MTOR: variants seen among roughly 807,000 people sequenced by gnomAD.
The protein encoded by MTOR is serine/threonine-protein kinase mTOR.
In MTOR, 70 loss-of-function variants were observed where a neutral mutation model predicts 319.8. The ratio of observed to expected loss-of-function variants is 0.22; its 90% CI spans 0.18 to 0.27. The LOEUF is 0.27. Among genes scored for constraint, MTOR ranks in the 10% least tolerant of loss-of-function variants. The probability of loss-of-function intolerance (pLI) is 1.00; values close to 1 mark genes in which losing one functional copy is unlikely to be tolerated. For synonymous variants in MTOR, 1,183 were observed against 1,211.4 expected, an observed-to-expected ratio of 0.98 and a Z score of 0.49; for missense variants, 1,890 against 3,274.4, an observed-to-expected ratio of 0.58 and a Z score of 10.32.
chr1:11,184,460 G>A (rs1214564208), intron 28 of MTOR, among the ~76,000 whole-genome samples: 1 of 152,186 alleles, frequency 6.6e-6, no homozygotes, highest in Non-Finnish European at 1.5e-5. Context: ...TGGGCTGTGT[G>A]TGGTGGCTCA....
At chr1:11,217,482 T>C (rs1451762691) in intron 19 of MTOR, among the ~76,000 whole-genome samples, 1 of 149,734 alleles carries the variant, frequency 6.7e-6, no homozygotes, top group Non-Finnish European at 1.5e-5. Context: ...AGCTCCCGGG[T>C]TCAAGCCTCC....
intron 1 of MTOR, among the ~76,000 whole-genome samples, chr1:11,261,704 C>A (rs1422846559): frequency 6.6e-6 from 1 of 151,962 alleles, no homozygotes; most frequent in East Asian, 1.9e-4. Flanking sequence ...AAGAAGACTG[C>A]AGAAAGAAAT....
At chr1:11,157,068 T>C (rs1236332137) in intron 30 of MTOR, 84 bp downstream of exon 30, 1 of 1,472,444 alleles carries the variant, frequency 6.8e-7, no homozygotes, top group Non-Finnish European at 9.1e-7. Context: ...GAACTCCGTG[T>C]GGGGGAAGCC....
At chr1:11,110,308 C>T (rs1641793419) in intron 54 of MTOR, among the ~76,000 whole-genome samples, 1 of 152,156 alleles carries the variant, frequency 6.6e-6, no homozygotes, top group Admixed American at 6.5e-5. Flanking sequence ...CTGATTATGG[C>T]TTTTAGCAGA....
At chr1:11,253,315 C>G (rs895587436) in intron 6 of MTOR, among the ~76,000 whole-genome samples, 1 of 152,284 alleles carries the variant, frequency 6.6e-6, no homozygotes. Flanking sequence ...CACATTTTTT[C>G]CTATAAGCAG....
In MTOR at chr1:11,109,189, G is replaced by A; in HGVS notation, c.7528+101C>T. On this transcript the variant is annotated intron_variant, in intron 56 of 57. Coordinates refer to ENST00000361445, the MANE Select transcript of MTOR (RefSeq NM_004958.4). This position sits in a 1 kb window ranked among gnomAD's most constrained non-coding sequence, Gnocchi z 4.0. ...TCTTTGTCAGCTGCATGGTGCCAAA[G>A]CTCGTCACTAACACCACTGGACATG... 9.9e-7 allele frequency: 1 copy of A among 1,007,266 alleles called. No homozygotes were observed. Among genetic ancestry groups the A allele is most frequent in the Non-Finnish European group, 1.5e-6 (1 of 664,464 alleles). The allele number at this position is 1,007,266 out of a possible 1,614,324, so 62.4% of individuals were successfully genotyped here.
At chr1:11,239,613 T>C (rs1647715263) in intron 11 of MTOR, among the ~76,000 whole-genome samples, 1 of 152,096 alleles carries the variant, frequency 6.6e-6, no homozygotes, top group Non-Finnish European at 1.5e-5. Flanking sequence ...CTTTTAGAAA[T>C]CATACCGCCA....
rs1570940235 is a variant in MTOR at position 11,127,096 on chromosome 1, T to C, written c.6265A>G (p.Met2089Val). 1.9e-6 allele frequency: 3 copies of C among 1,614,202 alleles called. No homozygotes were observed. The highest frequency in any genetic ancestry group is 1.1e-5 in the South Asian group (1 of 91,076). ...AGGTCCTTGACATTCCCTGATTTCA[T>C]GTACTTCCTGCACCACTCTTGGGCC... ...MEAQEWCRKY[M>V]KSGNVKDLTQ... Residue 2089 changes from methionine (M) to valine (V), a missense_variant, in exon 45 of 58, where the codon ATG becomes GTG. Met to Val is a conservative substitution (Grantham distance 21, BLOSUM62 1). Around this residue, in one of 15 missense-constraint regions of MTOR, gnomAD observed 249 missense variants for 596.2 expected, o/e 0.42. Transcript: ENST00000361445. The surrounding 1 kb of genome is among the most constrained non-coding windows in gnomAD (Gnocchi z 5.5).
Position 11,112,903 on chromosome 1 carries a change from T to C in MTOR, c.7315A>G (p.Asn2439Asp). Reference protein sequence around the residue: ...WRLMDTNTKGNKRSRTRTDSY... With the variant: ...WRLMDTNTKGDKRSRTRTDSY... ...TCCGTCCTCGTTCGGGATCGCTTGT[T>C]GCCTTTGGTATTTGCTAGGGAGAGA... is the stretch of plus-strand genomic sequence containing the variant. The change falls in exon 54 of 58, where the codon AAC becomes GAC. Residue 2439 changes from asparagine to aspartate, a missense_variant. Physicochemically the swap from Asn to Asp is conservative, Grantham distance 23. Around this residue, in one of 15 missense-constraint regions of MTOR, gnomAD observed 49 missense variants for 67.6 expected, o/e 0.72. Transcript: ENST00000361445. 1 of 1,614,210 alleles carries C rather than the reference T, an allele frequency of 6.2e-7. No homozygotes were observed. Among genetic ancestry groups the C allele is most frequent in the Non-Finnish European group, 8.5e-7 (1 of 1,180,034 alleles).
chr1:11,142,911 T>C (rs1643783978), intron 34 of MTOR, among the ~76,000 whole-genome samples: 1 of 152,160 alleles, frequency 6.6e-6, no homozygotes, highest in South Asian at 2.1e-4. Flanking sequence ...ATTTTTCCAC[T>C]ACTATAATAC....
At chr1:11,239,401 A>G (rs1647669910) in intron 11 of MTOR, among the ~76,000 whole-genome samples, 1 of 152,172 alleles carries the variant, frequency 6.6e-6, no homozygotes, top group Admixed American at 6.5e-5. Flanking sequence ...TGTTAAGTGG[A>G]GGAACTGCAA....
chr1:11,128,142 A>T lies in MTOR; in HGVS notation c.5911-16T>A, dbSNP rs1404650557. 2 of 1,613,266 alleles carry T rather than the reference A, an allele frequency of 1.2e-6. No individual in the cohort carries two copies. The highest frequency in any genetic ancestry group is 1.7e-6 in the Non-Finnish European group (2 of 1,179,774). ...AGATGAGGGCCTGAGGGAAAAACAG[A>T]AGAAACATCTATAAAGGAAATGTGG... On this transcript the variant is annotated splice_polypyrimidine_tract_variant and intron_variant, in intron 42 of 57. Transcript: ENST00000361445. This position sits in a 1 kb window ranked among gnomAD's most constrained non-coding sequence, Gnocchi z 5.3.
chr1:11,237,598 G>A (rs1394470730), intron 13 of MTOR, among the ~76,000 whole-genome samples: 1 of 152,056 alleles, frequency 6.6e-6, no homozygotes, highest in East Asian at 1.9e-4. Flanking sequence ...GAAAAAGAAA[G>A]AGCTGCATGA....
In MTOR at chr1:11,123,073, C is replaced by A. The variant is rs183837426; in HGVS notation, c.6663-947G>T. The stretch of plus-strand genomic sequence containing the variant: ...CGATGGGAAAGGTTTGGCTTTCATC[C>A]CACAAGGGGTCAGACCCATCCCATC... On this transcript the variant is annotated intron_variant, in intron 47 of 57. Transcript: ENST00000361445. Among the ~76,000 whole-genome samples the A allele has an allele frequency of 3.5e-3, 530 of 152,182 alleles. 6 individuals are homozygous for A. Among genetic ancestry groups the A allele is most frequent in the African/African-American group, 0.012 (501 of 41,512 alleles).
intron 6 of MTOR, among the ~76,000 whole-genome samples, chr1:11,248,332 G>C (rs545385167): frequency 6.6e-6 from 1 of 152,178 alleles, no homozygotes; most frequent in South Asian, 2.1e-4. Flanking sequence ...CAGCAGCAGA[G>C]GGCTGCCTTG....
chr1:11,207,929 T>C (rs1245754310), intron 25 of MTOR, among the ~76,000 whole-genome samples: 1 of 152,220 alleles, frequency 6.6e-6, no homozygotes, highest in East Asian at 1.9e-4. Context: ...GCAAGGTTTA[T>C]GCTTATTTTT....
chr1:11,115,349 G>A lies in MTOR; in HGVS notation c.7089+47C>T. 6.3e-7 allele frequency: 1 copy of A among 1,582,004 alleles called. No individual in the cohort carries two copies. Among genetic ancestry groups the A allele is most frequent in the African/African-American group, 1.3e-5 (1 of 74,334 alleles). On this transcript the variant is annotated intron_variant, in intron 51 of 57. Transcript: ENST00000361445. This position sits in a 1 kb window ranked among gnomAD's most constrained non-coding sequence, Gnocchi z 4.5. ...CTACAGTGTCAGAGGAGGGGGAAAA[G>A]TGATCACCCGGGAAGATGAGGTTGG...
At position 11,199,990 on chromosome 1, in the gene MTOR, G is replaced by C. The variant is rs1031520031; in HGVS notation, c.3945-287C>G. ...TACTGAATTTTACACTGCAGGTACA[G>C]ACATTGTGATATTCAGGGACTTGGG... On this transcript the variant is annotated intron_variant, in intron 26 of 57. Transcript: ENST00000361445. The surrounding 1 kb of genome is among the most constrained non-coding windows in gnomAD (Gnocchi z 4.5). 6.6e-6 allele frequency among the ~76,000 whole-genome samples: 1 copy of C among 152,160 alleles called. No homozygotes were observed. The highest frequency in any genetic ancestry group is 2.4e-5 in the African/African-American group (1 of 41,418).
In MTOR at chr1:11,216,296, C is replaced by A. The variant is rs28730687; in HGVS notation, c.3031-62G>T. On this transcript the variant is annotated intron_variant, in intron 19 of 57. Coordinates refer to ENST00000361445, the MANE Select transcript of MTOR (RefSeq NM_004958.4). ...AAGGACATTGAACCCCCAGGCTTACCTTAAGCTCATGTGAACAAATAAAGG... is the reference window on the plus strand; with the variant it reads ...AAGGACATTGAACCCCCAGGCTTACATTAAGCTCATGTGAACAAATAAAGG... 0.013 allele frequency: 16,090 copies of A among 1,282,414 alleles called. 569 individuals carry two copies. Among genetic ancestry groups the A allele is most frequent in the African/African-American group, 0.068 (4,636 of 67,964 alleles). 79.4% of individuals were successfully genotyped at this position (1,282,414 alleles called of 1,614,324 possible). A position where few individuals can be genotyped will look rare whatever the true frequency, so the allele number is the denominator to read the frequency against.
Sources: allele counts gnomAD v4.1 joint callset (sites outside exome capture counted in the v4.1 genomes callset), GRCh38; gene constraint gnomAD v4.1.1; regional missense constraint gnomAD v4.1.1; non-coding constraint Gnocchi (gnomAD v3.1); transcripts MANE v1.5; gene names NCBI Gene and HGNC (gene_info 2026-07-23, HGNC 2026-07-21).